FANCA: variants seen among roughly 807,000 people sequenced by gnomAD.
FANCA encodes the protein Fanconi anemia group A protein.
FANCA carries 236 observed loss-of-function variants against 194.3 expected under a neutral mutation model. The observed-to-expected ratio is 1.21, with a 90% CI of 1.09 to 1.35. The LOEUF (loss-of-function observed/expected upper bound fraction) is 1.35. Among genes scored for constraint, FANCA ranks in the 40% most tolerant of loss-of-function variants. The pLI, the probability that FANCA is intolerant of heterozygous loss-of-function variation, is 0.00. For missense variants in FANCA, 2,628 were observed against 1,813.9 expected (o/e 1.45, Z -8.15); for synonymous variants, 1,014 against 715.8 (o/e 1.42, Z -6.65).
intron 11 of FANCA, among the ~76,000 whole-genome samples, chr16:89,794,226 G>T (rs2040169218): frequency 6.6e-6 from 1 of 152,004 alleles, no homozygotes; most frequent in African/African-American, 2.4e-5. Context: ...ATTTTCCAAT[G>T]TACCAACTGC....
rs755381554 is a variant in FANCA at position 89,779,854 on chromosome 16, G to C, written c.1715+15C>G. 6.2e-7 allele frequency: 1 copy of C among 1,612,352 alleles called. No homozygotes were observed. The highest frequency in any genetic ancestry group is 1.7e-5 in the Admixed American group (1 of 60,014). On this transcript the variant is annotated intron_variant, in intron 18 of 42. Transcript: ENST00000389301. ...CACTGCAGCTGCTAGAGGCCTTTTC[G>C]GCAGCCCAGCCTACCTGGCCTCCAT... is the stretch of plus-strand genomic sequence containing the variant.
chr16:89,770,093 G>A (rs1430945072), intron 25 of FANCA, 69 bp from the exon 26 acceptor site: 1 of 1,581,326 alleles, frequency 6.3e-7, no homozygotes, highest in African/African-American at 1.3e-5. Flanking sequence ...GGGCACTGAA[G>A]ACGAATTGAG....
rs71137673 is a variant in FANCA, at chr16:89,759,318, TAAAAAAAAAAAAA to T, written c.2853-626_2853-614del. ...TTGGGCAACAGAGCGAGACTCCGTC[TAAAAAAAAAAAAA>T]AAAAAAAAAAAAAAAAAAGTAGCCT... On this transcript the variant is annotated intron_variant, in intron 29 of 42. Transcript: ENST00000389301. Among the ~76,000 whole-genome samples the T allele has an allele frequency of 4.5e-4, 34 of 75,206 alleles. 1 individual carries two copies. The East Asian group carries it at 5.3e-3, about 12-fold the overall frequency. The allele number at this position is 75,206 out of a possible 152,430, so 49.3% of individuals were successfully genotyped here.
intron 2 of FANCA, 136 bp from the exon 3 acceptor site, chr16:89,814,749 T>C (rs1229550661): frequency 3.0e-6 from 2 of 667,406 alleles, no homozygotes; most frequent in East Asian, 5.8e-5. Flanking sequence ...GAGACCAGCC[T>C]GGCCAACATA....
intron 11 of FANCA, chr16:89,792,842 A>G (rs1345204745): frequency 2.6e-6 from 1 of 385,302 alleles, no homozygotes; most frequent in Non-Finnish European, 5.0e-6. Flanking sequence ...AATGATAGGT[A>G]AGGTCACGTG....
rs751361669 is a variant in FANCA, at chr16:89,816,580, G to C, written c.36C>G (p.Gly12=). The change falls in exon 1 of 43, where the codon GGC becomes GGG. Residue 12 remains glycine, a synonymous_variant. Transcript: ENST00000389301. ...CCCTCCGGCGGCCCCCTGGGTCCTG[G>C]CCCGAGGCGGAGTTCGGGACCCACG... The part of the protein sequence containing the change: ...SDSWVPNSAS[G]QDPGGRRRAW... 2 of 1,525,154 alleles carry C rather than the reference G, an allele frequency of 1.3e-6. No homozygotes were observed. The highest frequency in any genetic ancestry group is 8.7e-7 in the Non-Finnish European group (1 of 1,144,364). 94.5% of individuals were successfully genotyped at this position (1,525,154 alleles called of 1,614,324 possible). A position where few individuals can be genotyped will look rare whatever the true frequency, so the allele number is the denominator to read the frequency against.
intron 13 of FANCA, 129 bp from the exon 14 acceptor site, chr16:89,791,665 C>A (rs1208108640): frequency 1.5e-6 from 2 of 1,326,528 alleles, no homozygotes; most frequent in Non-Finnish European, 2.1e-6. Flanking sequence ...TTTTAAAAGA[C>A]TACACAGCAA....
chr16:89,772,889 C>A (rs2039372168), intron 22 of FANCA, among the ~76,000 whole-genome samples: 1 of 151,986 alleles, frequency 6.6e-6, no homozygotes, highest in Admixed American at 6.6e-5. Flanking sequence ...CTGGATTTTA[C>A]AGAAAACCAT....
intron 5 of FANCA, 92 bp from the exon 6 acceptor site, chr16:89,808,459 A>T (rs1018203488): frequency 1.5e-6 from 2 of 1,322,046 alleles, no homozygotes; most frequent in Non-Finnish European, 2.2e-6. Context: ...CAAAATGTTC[A>T]ACTTAGGTTC....
chr16:89,762,055 A>G, intron 28 of FANCA, 33 bp from the exon 29 acceptor site: 1 of 1,525,626 alleles, frequency 6.6e-7, no homozygotes, highest in South Asian at 1.1e-5. Context: ...CAATACAATG[A>G]GGACAGAACA....
At chr16:89,792,401 A>T in intron 12 of FANCA, 70 bp downstream of exon 12, 1 of 1,495,448 alleles carries the variant, frequency 6.7e-7, no homozygotes, top group African/African-American at 1.4e-5. Context: ...AGGCAGCATG[A>T]CAAGTACTAG....
chr16:89,779,139 GCA>G, intron 18 of FANCA, 136 bp from the exon 19 acceptor site: 2 of 830,752 alleles, frequency 2.4e-6, no homozygotes, highest in Non-Finnish European at 2.0e-6. Flanking sequence ...GTCTTCTTGT[GCA>G]CAGTTCCGGG....
At chr16:89,743,315 A>G (rs1007070885) in intron 36 of FANCA, among the ~76,000 whole-genome samples, 1 of 152,236 alleles carries the variant, frequency 6.6e-6, no homozygotes, top group African/African-American at 2.4e-5. Flanking sequence ...AACAGAGAAC[A>G]AAGGACTGCC....
At chr16:89,773,570 GAAAATTACAATTATAAACGAGTTTCATAA>G (rs1385714365) in intron 21 of FANCA, among the ~76,000 whole-genome samples, 186 bp from the exon 22 acceptor site, 1 of 151,886 alleles carries the variant, frequency 6.6e-6, no homozygotes, top group Non-Finnish European at 1.5e-5. Context: ...ATGCCACATC[GAAAATTACAATTATAAACGAGTTTCATAA>G]AAAATTACAT....
chr16:89,798,805 G>T, intron 10 of FANCA: 1 of 1,440,830 alleles, frequency 6.9e-7, no homozygotes, highest in Non-Finnish European at 9.1e-7. Flanking sequence ...GTGGGGGGCT[G>T]AGAGGCAGGG....
chr16:89,815,714 C>G (rs1039992189), intron 2 of FANCA, among the ~76,000 whole-genome samples, 163 bp downstream of exon 2: 1 of 152,080 alleles, frequency 6.6e-6, no homozygotes, highest in African/African-American at 2.4e-5. Flanking sequence ...CACCCCGTTG[C>G]CCAGGTTGGT....
rs761686637 is a variant in FANCA, at chr16:89,737,925, C to G, written c.*676G>C. 4 of 1,571,236 alleles carry G rather than the reference C, an allele frequency of 2.5e-6. No homozygotes were observed. In the South Asian group the frequency reaches 4.5e-5, roughly 18 times the overall value. On this transcript the variant is annotated 3_prime_UTR_variant, in exon 43 of 43. Coordinates refer to ENST00000389301, the MANE Select transcript of FANCA (RefSeq NM_000135.4). ...TTTGCAGTAAGTGTGAGTCAGGACC[C>G]CCTCCCAGGGCTGTGGCCCTCGCAC...
At chr16:89,760,332 C>T (rs1423223519) in intron 29 of FANCA, among the ~76,000 whole-genome samples, 3 of 152,206 alleles carry the variant, frequency 2.0e-5, no homozygotes, top group African/African-American at 7.2e-5. Flanking sequence ...CTTTTTGTGG[C>T]CCCTATGTTT....
rs776077648 is a variant in FANCA, at chr16:89,740,108, C to T, written c.3829-9G>A. On this transcript the variant is annotated splice_polypyrimidine_tract_variant and intron_variant, in intron 38 of 42. Coordinates refer to ENST00000389301, the MANE Select transcript of FANCA (RefSeq NM_000135.4). ...GGCAGGTCTGTGGTGCTCTGTAAAC[C>T]GCAGGAGACCAACCCTGAGAATGGC... 82 of 1,612,690 alleles carry T rather than the reference C, an allele frequency of 5.1e-5. No homozygotes were observed. The highest frequency in any genetic ancestry group is 1.3e-5 in the Non-Finnish European group (15 of 1,179,020).
Sources: gnomAD v4.1 joint callset for allele counts (sites outside exome capture counted in the v4.1 genomes callset) on GRCh38, gnomAD v4.1.1 for gene constraint, MANE v1.5 for transcripts, NCBI Gene and HGNC (gene_info 2026-07-23, HGNC 2026-07-21) for gene names.